The following HNRNPLL variants were observed in gnomAD, a reference collection of about 807,000 sequenced individuals.
HNRNPLL encodes heterogeneous nuclear ribonucleoprotein L-like.
Under a neutral mutation model 67.1 loss-of-function variants are expected in HNRNPLL, and 25 were observed. The ratio of observed to expected loss-of-function variants is 0.37; its 90% CI spans 0.27 to 0.52. HNRNPLL has a LOEUF of 0.52. HNRNPLL is among the 20% of genes least tolerant of loss of function. HNRNPLL has a pLI of 0.90. For missense variants in HNRNPLL, 542 were observed against 673.9 expected (o/e 0.80, Z 2.17); for synonymous variants, 267 against 241.7 (o/e 1.10, Z -0.97).
chr2:38,585,630 A>T lies in HNRNPLL; in HGVS notation c.546+14T>A. 6.7e-7 allele frequency: 1 copy of T among 1,502,268 alleles called. No individual in the cohort carries two copies. Among genetic ancestry groups the T allele is most frequent in the Non-Finnish European group, 9.3e-7 (1 of 1,078,234 alleles). 93.1% of individuals were successfully genotyped at this position (1,502,268 alleles called of 1,614,324 possible). A position where few individuals can be genotyped will look rare whatever the true frequency, so the allele number is the denominator to read the frequency against. ...AATCACTTTTAATTTCATTTGTCATATTAAAACACATACCACTGTAATTGG... is the reference window on the plus strand; with the variant it reads ...AATCACTTTTAATTTCATTTGTCATTTTAAAACACATACCACTGTAATTGG... On this transcript the variant is annotated intron_variant, in intron 3 of 12. Coordinates refer to ENST00000449105, the MANE Select transcript of HNRNPLL (RefSeq NM_138394.4).
chr2:38,595,625 C>A (rs1230367537), intron 1 of HNRNPLL, among the ~76,000 whole-genome samples: 1 of 152,058 alleles, frequency 6.6e-6, no homozygotes, highest in Non-Finnish European at 1.5e-5. Context: ...CAGGCGAATA[C>A]CTGAGGTCAG....
intron 2 of HNRNPLL, among the ~76,000 whole-genome samples, chr2:38,587,026 G>A (rs578126183): frequency 1.3e-5 from 2 of 152,124 alleles, no homozygotes; most frequent in African/African-American, 4.8e-5. Context: ...CTATTCACAG[G>A]AACAAGAACC....
intron 2 of HNRNPLL, among the ~76,000 whole-genome samples, chr2:38,588,568 G>A (rs1573748240): frequency 3.4e-5 from 4 of 117,492 alleles, no homozygotes; most frequent in Non-Finnish European, 6.9e-5. Flanking sequence ...AAAAAAAAAA[G>A]GGTGAGCTAA....
At chr2:38,589,696 A>T (rs1417148104) in intron 2 of HNRNPLL, among the ~76,000 whole-genome samples, 1 of 152,208 alleles carries the variant, frequency 6.6e-6, no homozygotes, top group Non-Finnish European at 1.5e-5. Context: ...GAGTAATTCA[A>T]ATTACTAACT....
chr2:38,588,421 C>G (rs886985873), intron 2 of HNRNPLL, among the ~76,000 whole-genome samples: 3 of 151,358 alleles, frequency 2.0e-5, no homozygotes, highest in Non-Finnish European at 4.4e-5. Flanking sequence ...CGGTGGCAGG[C>G]GCCTGTAATC....
In HNRNPLL at chr2:38,585,704, T is replaced by C. The variant is rs765067659; in HGVS notation, c.486A>G (p.Pro162=). ...RITRPGNTDD[P]SGGNKVLLLS... is the part of the protein sequence containing the mutation. ...GCAGAAGAACTTTGTTGCCTCCTGA[T>C]GGATCATCAGTATTTCCTGGCCGAG... is the stretch of plus-strand genomic sequence containing the variant. Residue 162 remains proline, a synonymous_variant, in exon 3 of 13, where the codon CCA becomes CCG. Coordinates refer to ENST00000449105, the MANE Select transcript of HNRNPLL (RefSeq NM_138394.4). 10 of 1,614,024 alleles carry C rather than the reference T, an allele frequency of 6.2e-6. No individual in the cohort carries two copies. The highest frequency in any genetic ancestry group is 8.5e-6 in the Non-Finnish European group (10 of 1,179,872).
intron 7 of HNRNPLL, among the ~76,000 whole-genome samples, chr2:38,575,037 A>G (rs958317571): frequency 6.6e-6 from 1 of 151,864 alleles, no homozygotes; most frequent in African/African-American, 2.4e-5. Flanking sequence ...GGAAGTAGAA[A>G]GACACATGGT....
At chr2:38,564,660 G>A (rs918439782) in intron 12 of HNRNPLL, among the ~76,000 whole-genome samples, 4 of 148,310 alleles carry the variant, frequency 2.7e-5, no homozygotes, top group African/African-American at 5.0e-5. Context: ...AGTAAAGTAA[G>A]GGAAAGATTT....
intron 10 of HNRNPLL, 49 bp from the exon 11 acceptor site, chr2:38,568,492 C>T (rs759782366): frequency 1.6e-6 from 2 of 1,234,360 alleles, no homozygotes; most frequent in African/African-American, 3.0e-5. Flanking sequence ...AAATAATATC[C>T]CACTTTTTTA....
intron 1 of HNRNPLL, among the ~76,000 whole-genome samples, chr2:38,597,851 C>G (rs1402641414): frequency 6.6e-6 from 1 of 152,070 alleles, no homozygotes; most frequent in South Asian, 2.1e-4. Context: ...CCACACCCGG[C>G]TAATTTTTTG....
chr2:38,600,422 G>C (rs1040537769), intron 1 of HNRNPLL, among the ~76,000 whole-genome samples: 1 of 152,218 alleles, frequency 6.6e-6, no homozygotes, highest in South Asian at 2.1e-4. Context: ...GACTTTCTCA[G>C]ACTCACACAA....
At chr2:38,596,482 T>G (rs116037978) in intron 1 of HNRNPLL, among the ~76,000 whole-genome samples, 2,804 of 152,276 alleles carry the variant, frequency 0.018, 78 homozygotes, top group African/African-American at 0.064. Flanking sequence ...GGTCTTGAAT[T>G]CTTGGCCTCA....
intron 1 of HNRNPLL, among the ~76,000 whole-genome samples, chr2:38,595,451 C>T (rs1667141911): frequency 1.3e-5 from 2 of 151,742 alleles, no homozygotes; most frequent in South Asian, 2.1e-4. Context: ...ATTATACAAT[C>T]GATTTTTAAA....
intron 1 of HNRNPLL, among the ~76,000 whole-genome samples, chr2:38,597,294 G>A (rs572611969): frequency 1.3e-5 from 2 of 152,260 alleles, no homozygotes; most frequent in Non-Finnish European, 2.9e-5. Context: ...TATCCTCCAG[G>A]TTCTTCTGTC....
intron 2 of HNRNPLL, among the ~76,000 whole-genome samples, chr2:38,588,196 GAAGTA>G (rs1398136199): frequency 3.9e-5 from 6 of 152,116 alleles, no homozygotes; most frequent in African/African-American, 1.4e-4. Context: ...TACAGGTACA[GAAGTA>G]AATTATTTAT....
intron 6 of HNRNPLL, among the ~76,000 whole-genome samples, chr2:38,579,316 G>A (rs973533565): frequency 1.1e-4 from 16 of 151,830 alleles, no homozygotes; most frequent in Admixed American, 2.0e-4. Flanking sequence ...TCTAAATGAC[G>A]AGTTAATGGG....
chr2:38,564,237 T>G lies in HNRNPLL; in HGVS notation c.1574A>C (p.Asn525Thr). 6.5e-7 allele frequency: 1 copy of G among 1,539,736 alleles called. No individual in the cohort carries two copies. Residue 525 changes from asparagine (N) to threonine (T), a missense_variant and splice_region_variant, in exon 13 of 13, where the codon AAT (asparagine) becomes ACT (threonine). Asn to Thr is a moderately conservative substitution (Grantham distance 65). This residue lies in a region of HNRNPLL where 415 missense variants were observed against 575.2 expected (regional missense o/e 0.72). Coordinates refer to ENST00000449105, the MANE Select transcript of HNRNPLL (RefSeq NM_138394.4). ...ALNHYQIRVPNGSNPYTLKLC... is the reference protein window; with the variant it reads ...ALNHYQIRVPTGSNPYTLKLC... ...CTTCAATGTATAGGGATTGGAACCA[T>G]CTGTAAAAAGTAAAAAACAGTTAAT...
chr2:38,594,192 C>CA (rs376168379), intron 1 of HNRNPLL, among the ~76,000 whole-genome samples: 1 of 151,842 alleles, frequency 6.6e-6, no homozygotes, highest in Non-Finnish European at 1.5e-5. Flanking sequence ...AACCAAAAAC[C>CA]AAAAAACAAA....
At chr2:38,592,682 A>G (rs1667011616) in intron 1 of HNRNPLL, among the ~76,000 whole-genome samples, 1 of 152,240 alleles carries the variant, frequency 6.6e-6, no homozygotes, top group Non-Finnish European at 1.5e-5. Flanking sequence ...TTGAAAATGC[A>G]AATAGCTTTC....
Sources: gnomAD v4.1 joint callset for allele counts (sites outside exome capture counted in the v4.1 genomes callset) on GRCh38, gnomAD v4.1.1 for gene constraint, gnomAD v4.1.1 regional missense constraint, MANE v1.5 for transcripts, NCBI Gene and HGNC (gene_info 2026-07-23, HGNC 2026-07-21) for gene names.